The following PHAF1 variants were observed in gnomAD, a reference collection of about 807,000 sequenced individuals.
The protein encoded by PHAF1 is phagophore assembly factor 1.
A neutral mutation model predicts 63.1 loss-of-function variants in PHAF1; 23 were observed. That is an observed-to-expected ratio of 0.36 (90% confidence interval 0.26 to 0.52). The LOEUF is 0.52. Among genes scored for constraint, PHAF1 ranks in the 20% least tolerant of loss-of-function variants. PHAF1 has a pLI of 0.93. For missense variants in PHAF1, 427 were observed against 517.2 expected (o/e 0.83, Z 1.69); for synonymous variants, 167 against 185.0 (o/e 0.90, Z 0.79).
intron 2 of PHAF1, among the ~76,000 whole-genome samples, chr16:67,120,509 C>T (rs1247525902): frequency 6.6e-6 from 1 of 151,720 alleles, no homozygotes; most frequent in Non-Finnish European, 1.5e-5. Flanking sequence ...TTTTAGAGTG[C>T]TTACCTTCCA....
At chr16:67,130,290 G>C (rs930529668) in intron 3 of PHAF1, among the ~76,000 whole-genome samples, 1 of 149,270 alleles carries the variant, frequency 6.7e-6, no homozygotes, top group Non-Finnish European at 1.5e-5. Flanking sequence ...CTTGTGATCC[G>C]CCCGCCTCGG....
At chr16:67,111,440 C>G (rs977657209) in intron 1 of PHAF1, among the ~76,000 whole-genome samples, 1 of 152,188 alleles carries the variant, frequency 6.6e-6, no homozygotes, top group African/African-American at 2.4e-5. Flanking sequence ...ACTTTAGTCA[C>G]TCTAGTGTGA....
chr16:67,113,451 C>CTTTTTT (rs1011100173), intron 1 of PHAF1, among the ~76,000 whole-genome samples: 1 of 139,416 alleles, frequency 7.2e-6, no homozygotes, highest in African/African-American at 2.6e-5. Flanking sequence ...TTTTCTTTTT[C>CTTTTTT]TTTTTTTTTT....
Position 67,147,049 on chromosome 16 carries a change from T to C in PHAF1, c.1187T>C (p.Met396Thr). ...ACTGTCCTCTTCTCACACCAGGTCA[T>C]GCAGAACAACCACATTGCCTCGGTG... The part of the protein sequence containing the change: ...FGLQRMIFEV[M>T]QNNHIASVTL... The change falls in exon 16 of 16, where the codon ATG (methionine) becomes ACG (threonine). Residue 396 changes from methionine (M) to threonine (T), a missense_variant. Met to Thr is a moderately conservative substitution (Grantham distance 81). Transcript: ENST00000219139. The C allele has an allele frequency of 6.2e-7, 1 of 1,613,756 alleles. No homozygotes were observed. The highest frequency in any genetic ancestry group is 1.1e-5 in the South Asian group (1 of 91,064).
intron 1 of PHAF1, among the ~76,000 whole-genome samples, chr16:67,119,411 A>G (rs1194280328): frequency 6.6e-6 from 1 of 152,166 alleles, no homozygotes; most frequent in Non-Finnish European, 1.5e-5. Context: ...TCCCTGGGCC[A>G]CATTGGAAGA....
At position 67,144,887 on chromosome 16, in the gene PHAF1, G is replaced by A. The variant is rs1317811207; in HGVS notation, c.1006+10G>A. On this transcript the variant is annotated intron_variant, in intron 12 of 15. Coordinates refer to ENST00000219139, the MANE Select transcript of PHAF1 (RefSeq NM_025187.5). ...CTAGCCATAAAGAAAGGTGAGTAGT[G>A]AAAGCTCTCAGGGTAAGGGAGGGGT... 3 of 1,613,072 alleles carry A rather than the reference G, an allele frequency of 1.9e-6. No individual in the cohort carries two copies. Among genetic ancestry groups the A allele is most frequent in the Admixed American group, 3.3e-5 (2 of 60,008 alleles).
At chr16:67,131,180 GTTTTTTTT>G (rs71145961) in intron 3 of PHAF1, 98 bp from the exon 4 acceptor site, 1 of 248,640 alleles carries the variant, frequency 4.0e-6, no homozygotes, top group Non-Finnish European at 7.4e-6. Flanking sequence ...ATTGGTAATA[GTTTTTTTT>G]TTTTTTTTTT....
intron 1 of PHAF1, among the ~76,000 whole-genome samples, chr16:67,111,547 G>T (rs1962515973): frequency 6.6e-6 from 1 of 152,200 alleles, no homozygotes; most frequent in African/African-American, 2.4e-5. Flanking sequence ...GAAACCAGGT[G>T]GTACAGATTG....
intron 8 of PHAF1, chr16:67,139,661 G>A (rs1263479866): frequency 3.9e-6 from 1 of 257,518 alleles, no homozygotes; most frequent in Non-Finnish European, 7.4e-6. Context: ...AAACTGCACT[G>A]TTTTTGTTCA....
intron 1 of PHAF1, among the ~76,000 whole-genome samples, chr16:67,118,667 A>T (rs1962850937): frequency 6.6e-6 from 1 of 152,056 alleles, no homozygotes; most frequent in African/African-American, 2.4e-5. Flanking sequence ...AATAAAAAAT[A>T]AAAAGAACTA....
rs749419820 is a variant in PHAF1 at position 67,120,105 on chromosome 16, A to T, written c.65-7A>T. 6.2e-7 allele frequency: 1 copy of T among 1,612,826 alleles called. No homozygotes were observed. Among genetic ancestry groups the T allele is most frequent in the East Asian group, 2.2e-5 (1 of 44,830 alleles). On this transcript the variant is annotated splice_region_variant and splice_polypyrimidine_tract_variant and intron_variant, in intron 1 of 15. Coordinates refer to ENST00000219139, the MANE Select transcript of PHAF1 (RefSeq NM_025187.5). ...AATAACCACATAGGTGTCTTGCTTTATTTCAGGAATGCCTCTGGCTCAGGC... is the reference window on the plus strand; with the variant it reads ...AATAACCACATAGGTGTCTTGCTTTTTTTCAGGAATGCCTCTGGCTCAGGC...
chr16:67,126,525 A>G (rs1963195070), intron 3 of PHAF1, among the ~76,000 whole-genome samples: 1 of 152,046 alleles, frequency 6.6e-6, no homozygotes, highest in Non-Finnish European at 1.5e-5. Context: ...GGGCTATCTT[A>G]ATTGGCATTT....
intron 3 of PHAF1, among the ~76,000 whole-genome samples, chr16:67,128,623 C>G (rs1052305546): frequency 6.6e-6 from 1 of 152,238 alleles, no homozygotes; most frequent in Non-Finnish European, 1.5e-5. Context: ...GCTGCTGCCA[C>G]ATCTCTTCCC....
At chr16:67,129,342 A>G (rs1169063189) in intron 3 of PHAF1, among the ~76,000 whole-genome samples, 2 of 152,244 alleles carry the variant, frequency 1.3e-5, no homozygotes, top group African/African-American at 4.8e-5. Flanking sequence ...TTAACAGAAT[A>G]CACAAGTATG....
intron 8 of PHAF1, among the ~76,000 whole-genome samples, chr16:67,136,718 G>A (rs1009952314): frequency 6.6e-6 from 1 of 151,850 alleles, no homozygotes; most frequent in Non-Finnish European, 1.5e-5. Context: ...AAGAAACTGG[G>A]ACTACAGGTG....
chr16:67,146,898 C>T, intron 15 of PHAF1, 147 bp from the exon 16 acceptor site: 1 of 736,634 alleles, frequency 1.4e-6, no homozygotes, highest in Non-Finnish European at 2.4e-6. Context: ...AGAGGGGGGC[C>T]TTTAGCATGA....
rs191028450 is a variant in PHAF1 at position 67,130,173 on chromosome 16, A to C, written c.232-1113A>C. Among the ~76,000 whole-genome samples, 300 of 151,626 alleles carry C rather than the reference A, an allele frequency of 2.0e-3. 1 individual carries two copies. Among genetic ancestry groups the C allele is most frequent in the Admixed American group, 5.0e-3 (76 of 15,226 alleles). ...GCCATTCTCCTGCCTCAGCCTCCTC[A>C]GTAGCTGGGACTACAGGCGCCCACC... On this transcript the variant is annotated intron_variant, in intron 3 of 15. Transcript: ENST00000219139.
Position 67,147,438 on chromosome 16 carries a change from T to A in PHAF1, c.*307T>A. 2.6e-6 allele frequency: 1 copy of A among 381,698 alleles called. No homozygotes were observed. The highest frequency in any genetic ancestry group is 4.8e-6 in the Non-Finnish European group (1 of 210,034). The allele number at this position is 381,698 out of a possible 1,614,324, so 23.6% of individuals were successfully genotyped here. On this transcript the variant is annotated 3_prime_UTR_variant, in exon 16 of 16. Coordinates refer to ENST00000219139, the MANE Select transcript of PHAF1 (RefSeq NM_025187.5). ...ACAAGGAGGCAGGAGAGGTCAACCC[T>A]TGTCCCATGCACATTGGGAAGACTT...
intron 8 of PHAF1, among the ~76,000 whole-genome samples, chr16:67,137,597 G>T (rs1292256620): frequency 1.3e-5 from 2 of 152,140 alleles, no homozygotes; most frequent in Non-Finnish European, 2.9e-5. Flanking sequence ...GGGATTACAG[G>T]TGTGAGCCAC....
Sources: allele counts gnomAD v4.1 joint callset (sites outside exome capture counted in the v4.1 genomes callset), GRCh38; gene constraint gnomAD v4.1.1; transcripts MANE v1.5; gene names NCBI Gene and HGNC (gene_info 2026-07-23, HGNC 2026-07-21).